The following ANXA10 variants were observed in gnomAD, a reference collection of about 807,000 sequenced individuals.
ANXA10 encodes annexin 14.
ANXA10 carries 49 observed loss-of-function variants against 53.5 expected under a neutral mutation model. The observed-to-expected ratio is 0.92, with a 90% CI of 0.73 to 1.16. ANXA10 has a LOEUF of 1.16. ANXA10 is among the 50% of genes most tolerant of loss of function. The pLI is 0.00. For synonymous variants in ANXA10, 131 were observed against 128.9 expected (o/e 1.02, Z -0.11); for missense variants, 393 against 394.4 (o/e 1.00, Z 0.03).
intron 8 of ANXA10, 74 bp downstream of exon 8, chr4:168,178,057 A>C (rs1732167672): frequency 7.3e-7 from 1 of 1,369,470 alleles, no homozygotes; most frequent in African/African-American, 1.4e-5. Context: ...AACTAGAAAC[A>C]AAAATGAAAT....
chr4:168,108,019 G>A (rs1560959242), intron 1 of ANXA10, among the ~76,000 whole-genome samples: 1 of 152,248 alleles, frequency 6.6e-6, no homozygotes, highest in South Asian at 2.1e-4. Context: ...TTGTGTCAAG[G>A]TAAAAATCAT....
chr4:168,173,303 T>G (rs1732053276), intron 6 of ANXA10, among the ~76,000 whole-genome samples: 1 of 152,096 alleles, frequency 6.6e-6, no homozygotes, highest in Non-Finnish European at 1.5e-5. Context: ...GCAAAGGAAA[T>G]GTACTATAAT....
chr4:168,103,352 G>GTA (rs1730670535), intron 1 of ANXA10, among the ~76,000 whole-genome samples: 1 of 151,896 alleles, frequency 6.6e-6, no homozygotes, highest in African/African-American at 2.4e-5. Flanking sequence ...AAGGCATGAA[G>GTA]TATAGGTCAA....
At chr4:168,094,374 A>G (rs952630351) in intron 1 of ANXA10, among the ~76,000 whole-genome samples, 2 of 152,158 alleles carry the variant, frequency 1.3e-5, no homozygotes, top group Admixed American at 1.3e-4. Context: ...GCAAGCCTGG[A>G]TGGTAAAATG....
chr4:168,138,064 C>G (rs543493822), intron 2 of ANXA10, among the ~76,000 whole-genome samples: 3 of 151,626 alleles, frequency 2.0e-5, no homozygotes, highest in South Asian at 4.2e-4. Flanking sequence ...CAGGTTCAAG[C>G]AATTCTCCTG....
intron 3 of ANXA10, among the ~76,000 whole-genome samples, chr4:168,151,210 G>T (rs558112219): frequency 2.6e-5 from 4 of 152,236 alleles, no homozygotes; most frequent in African/African-American, 9.6e-5. Flanking sequence ...TATACAGCAT[G>T]CATCATTGAT....
intron 3 of ANXA10, among the ~76,000 whole-genome samples, chr4:168,148,283 C>T (rs1731437031): frequency 6.6e-6 from 1 of 151,898 alleles, no homozygotes; most frequent in African/African-American, 2.4e-5. Flanking sequence ...TTCTCTGCCT[C>T]AGCCTCCTGA....
chr4:168,101,395 T>A (rs2149464287), intron 1 of ANXA10, among the ~76,000 whole-genome samples: 1 of 151,958 alleles, frequency 6.6e-6, no homozygotes, highest in African/African-American at 2.4e-5. Flanking sequence ...AATGTGAGAA[T>A]GAACTAATAC....
At chr4:168,177,855 T>C (rs1330794014) in intron 7 of ANXA10, 35 bp from the exon 8 acceptor site, 3 of 1,613,870 alleles carry the variant, frequency 1.9e-6, no homozygotes, top group African/African-American at 2.7e-5. Flanking sequence ...GCTGGAGTGG[T>C]TCTGATGCTA....
intron 1 of ANXA10, among the ~76,000 whole-genome samples, chr4:168,100,338 C>G (rs1333473377): frequency 6.6e-6 from 1 of 152,120 alleles, no homozygotes; most frequent in African/African-American, 2.4e-5. Flanking sequence ...GGATATAAAA[C>G]AGATTCATCA....
intron 3 of ANXA10, among the ~76,000 whole-genome samples, chr4:168,156,353 A>T (rs1459096559): frequency 1.2e-4 from 13 of 110,070 alleles, no homozygotes; most frequent in Admixed American, 2.5e-4. Flanking sequence ...TATGTTATAT[A>T]ATATATTATA....
chr4:168,094,988 C>A (rs954600940), intron 1 of ANXA10, among the ~76,000 whole-genome samples: 1 of 151,876 alleles, frequency 6.6e-6, no homozygotes, highest in Non-Finnish European at 1.5e-5. Flanking sequence ...GAGATTATTG[C>A]AAGCCTGAGT....
At chr4:168,148,387 G>A (rs1232835355) in intron 3 of ANXA10, among the ~76,000 whole-genome samples, 2 of 152,078 alleles carry the variant, frequency 1.3e-5, no homozygotes, top group African/African-American at 4.8e-5. Flanking sequence ...GGCTGGTCTT[G>A]AATTCCTGAC....
At chr4:168,109,893 A>G (rs1730776396) in intron 1 of ANXA10, among the ~76,000 whole-genome samples, 1 of 152,152 alleles carries the variant, frequency 6.6e-6, no homozygotes, top group Admixed American at 6.6e-5. Context: ...CTTAGTTTAC[A>G]CTCCTTACTA....
At chr4:168,152,731 C>T (rs917673160) in intron 3 of ANXA10, among the ~76,000 whole-genome samples, 2 of 149,168 alleles carry the variant, frequency 1.3e-5, no homozygotes, top group African/African-American at 4.9e-5. Flanking sequence ...ATATATGTAT[C>T]GCCTCCCAGC....
intron 2 of ANXA10, among the ~76,000 whole-genome samples, chr4:168,130,450 C>T (rs1731140062): frequency 6.6e-6 from 1 of 151,932 alleles, no homozygotes; most frequent in Admixed American, 6.6e-5. Flanking sequence ...TTGTGCCTTT[C>T]TCTGGTTTTG....
intron 1 of ANXA10, among the ~76,000 whole-genome samples, chr4:168,124,332 T>C (rs1285872727): frequency 6.6e-6 from 1 of 152,012 alleles, no homozygotes; most frequent in Non-Finnish European, 1.5e-5. Context: ...TGGAACAAAA[T>C]GAACAATGAC....
intron 11 of ANXA10, among the ~76,000 whole-genome samples, chr4:168,186,288 A>G (rs1198080177): frequency 1.3e-5 from 2 of 152,232 alleles, no homozygotes; most frequent in African/African-American, 4.8e-5. Flanking sequence ...AAATTATAGA[A>G]GACCATTACA....
At chr4:168,106,578 G>A (rs544511990) in intron 1 of ANXA10, among the ~76,000 whole-genome samples, 6 of 152,016 alleles carry the variant, frequency 3.9e-5, no homozygotes, top group Admixed American at 6.6e-5. Context: ...CTTGCAAAAC[G>A]TCTACAACTT....
Sources: allele counts gnomAD v4.1 joint callset (sites outside exome capture counted in the v4.1 genomes callset), GRCh38; gene constraint gnomAD v4.1.1; transcripts MANE v1.5; gene names NCBI Gene and HGNC (gene_info 2026-07-23, HGNC 2026-07-21).